KCNQ1: variants seen among roughly 807,000 people sequenced by gnomAD.
The protein encoded by KCNQ1 is potassium voltage-gated channel subfamily Q member 1.
In KCNQ1, 49 loss-of-function variants were observed where a neutral mutation model predicts 72.4. The observed-to-expected ratio is 0.68, with a 90% CI of 0.54 to 0.86. The LOEUF is 0.86. KCNQ1 is among the 40% of genes least tolerant of loss of function. The pLI, the probability that KCNQ1 is intolerant of heterozygous loss-of-function variation, is 0.00. For synonymous variants in KCNQ1, 450 were observed against 412.6 expected (o/e 1.09, Z -1.10); for missense variants, 790 against 945.1 (o/e 0.84, Z 2.15).
At position 2,770,553 on chromosome 11, in the gene KCNQ1, C is replaced by T. The variant is rs150894085; in HGVS notation, c.1590+1634C>T. Among the ~76,000 whole-genome samples, 10 of 152,362 alleles carry T rather than the reference C, an allele frequency of 6.6e-5. No homozygotes were observed. The East Asian group carries it at 1.7e-3, about 26-fold the overall frequency. On this transcript the variant is annotated intron_variant, in intron 12 of 15. Coordinates refer to ENST00000155840, the MANE Select transcript of KCNQ1 (RefSeq NM_000218.3). The stretch of plus-strand genomic sequence containing the variant: ...TCCCACAGTGGTGTTTCTCAGCTGG[C>T]CCTCCCACCTGCATCCCCCCAGGGA...
chr11:2,659,905 A>G lies in KCNQ1; in HGVS notation c.1394-2056A>G. 2.5e-6 allele frequency: 1 copy of G among 398,316 alleles called. No individual in the cohort carries two copies. The highest frequency in any genetic ancestry group is 4.4e-6 in the Non-Finnish European group (1 of 225,974). The allele number at this position is 398,316 out of a possible 1,614,324, so 24.7% of individuals were successfully genotyped here. A position where few individuals can be genotyped will look rare whatever the true frequency, so the allele number is the denominator to read the frequency against. On this transcript the variant is annotated intron_variant, in intron 10 of 15. Coordinates refer to ENST00000155840, the MANE Select transcript of KCNQ1 (RefSeq NM_000218.3). The surrounding 1 kb of genome is among the most constrained non-coding windows in gnomAD (Gnocchi z 4.3). Reference sequence around the variant, plus strand: ...AAATTGGATTGTTCACTTTATTGTCAAGTTGTAAGCATTCTTTATATATTC... The same window carrying G: ...AAATTGGATTGTTCACTTTATTGTCGAGTTGTAAGCATTCTTTATATATTC...
intron 11 of KCNQ1, among the ~76,000 whole-genome samples, chr11:2,729,623 C>A (rs1317009372): frequency 6.6e-6 from 1 of 152,182 alleles, no homozygotes; most frequent in Non-Finnish European, 1.5e-5. Context: ...TGTCGTTATT[C>A]CCTAAACAAT....
At chr11:2,587,090 C>T (rs1255974794) in intron 8 of KCNQ1, among the ~76,000 whole-genome samples, 1 of 152,162 alleles carries the variant, frequency 6.6e-6, no homozygotes, top group Non-Finnish European at 1.5e-5. Flanking sequence ...CTCCTGCCAG[C>T]CCTAGGGATC....
In KCNQ1 at chr11:2,671,325, C is replaced by T. The variant is rs576453276; in HGVS notation, c.1514+9244C>T. 506 of 398,600 alleles carry T rather than the reference C, an allele frequency of 1.3e-3. 3 individuals carry two copies. Among genetic ancestry groups the T allele is most frequent in the Non-Finnish European group, 1.8e-3 (397 of 226,056 alleles). The allele number at this position is 398,600 out of a possible 1,614,324, so 24.7% of individuals were successfully genotyped here. On this transcript the variant is annotated intron_variant, in intron 11 of 15. Transcript: ENST00000155840. This position sits in a 1 kb window ranked among gnomAD's most constrained non-coding sequence, Gnocchi z 4.7. ...ATCTTTTCCCATGTGTGGCTGCAGC[C>T]TCAGAGGCTCCCTCTGAAGATGACA...
chr11:2,590,219 C>A (rs1024164), intron 10 of KCNQ1, among the ~76,000 whole-genome samples: 24,124 of 152,158 alleles, frequency 0.16, 2,271 homozygotes, highest in East Asian at 0.26. Flanking sequence ...CAGGAGAAAA[C>A]ACAGCAAAGC....
In KCNQ1 at chr11:2,468,340, T is replaced by A. The variant is rs557857738; in HGVS notation, c.386+22856T>A. On this transcript the variant is annotated intron_variant, in intron 1 of 15. Transcript: ENST00000155840. This position sits in a 1 kb window ranked among gnomAD's most constrained non-coding sequence, Gnocchi z 5.7. ...TTTTGTATTTTTTGTAGAGATGGGG[T>A]CTTGCTATATTGCCCAGTCTAGTCT... 2.1e-4 allele frequency among the ~76,000 whole-genome samples: 32 copies of A among 152,236 alleles called. No individual in the cohort carries two copies. The highest frequency in any genetic ancestry group is 7.5e-4 in the African/African-American group (31 of 41,530).
chr11:2,741,682 C>T (rs534637023), intron 11 of KCNQ1, among the ~76,000 whole-genome samples: 1 of 152,352 alleles, frequency 6.6e-6, no homozygotes, highest in African/African-American at 2.4e-5. Context: ...GCAATTATCA[C>T]CCCATCGCTG....
Position 2,492,188 on chromosome 11 carries a change from A to C in KCNQ1, c.387-35740A>C, listed in dbSNP as rs1186469040. Among the ~76,000 whole-genome samples the C allele has an allele frequency of 6.6e-6, 1 of 152,236 alleles. No individual in the cohort carries two copies. Among genetic ancestry groups the C allele is most frequent in the Non-Finnish European group, 1.5e-5 (1 of 68,042 alleles). Reference sequence around the variant, plus strand: ...ACAGAAATACAAATAGTATTATAACACTGTAATTATGGTGTGTAAACTACT... The same window carrying C: ...ACAGAAATACAAATAGTATTATAACCCTGTAATTATGGTGTGTAAACTACT... On this transcript the variant is annotated intron_variant, in intron 1 of 15. Coordinates refer to ENST00000155840, the MANE Select transcript of KCNQ1 (RefSeq NM_000218.3). This position sits in a 1 kb window ranked among gnomAD's most constrained non-coding sequence, Gnocchi z 4.1.
rs534659650 is a variant in KCNQ1, at chr11:2,516,192, G to C, written c.387-11736G>C. 3.3e-5 allele frequency among the ~76,000 whole-genome samples: 5 copies of C among 152,160 alleles called. No homozygotes were observed. Among genetic ancestry groups the C allele is most frequent in the Admixed American group, 2.0e-4 (3 of 15,280 alleles). The stretch of plus-strand genomic sequence containing the variant: ...CAGGGAGACCCGGAGTCCAGTTCTC[G>C]CCAACCGCTCGATGCTGTGTGACTT... On this transcript the variant is annotated intron_variant, in intron 1 of 15. Coordinates refer to ENST00000155840, the MANE Select transcript of KCNQ1 (RefSeq NM_000218.3). This position sits in a 1 kb window ranked among gnomAD's most constrained non-coding sequence, Gnocchi z 7.0.
chr11:2,465,194 C>T (rs1846334761), intron 1 of KCNQ1, among the ~76,000 whole-genome samples: 1 of 152,178 alleles, frequency 6.6e-6, no homozygotes, highest in Non-Finnish European at 1.5e-5. Context: ...GGGTCTCACT[C>T]TGTCGCCTAG....
At chr11:2,628,220 C>T in intron 10 of KCNQ1, 1 of 398,608 alleles carries the variant, frequency 2.5e-6, no homozygotes, top group Middle Eastern at 6.3e-4. Flanking sequence ...ATCGTGTTTT[C>T]CATAATGACT....
intron 2 of KCNQ1, among the ~76,000 whole-genome samples, chr11:2,561,604 G>A (rs916352812): frequency 1.3e-5 from 2 of 152,212 alleles, no homozygotes; most frequent in African/African-American, 4.8e-5. Context: ...GCTCGTCTGG[G>A]TCCCCCGCCT....
At chr11:2,794,733 G>A (rs1383135231) in intron 15 of KCNQ1, among the ~76,000 whole-genome samples, 2 of 152,178 alleles carry the variant, frequency 1.3e-5, no homozygotes, top group Admixed American at 6.5e-5. Context: ...GACCCAGCAA[G>A]AGAGCCTGAG....
chr11:2,545,118 A>G (rs1213596173), intron 2 of KCNQ1, among the ~76,000 whole-genome samples: 1 of 152,258 alleles, frequency 6.6e-6, no homozygotes, highest in African/African-American at 2.4e-5. Flanking sequence ...CAGGTTCTGT[A>G]TTCCTGGATA....
intron 11 of KCNQ1, chr11:2,692,931 C>T (rs1449698107): frequency 5.0e-6 from 2 of 398,678 alleles, no homozygotes; most frequent in Non-Finnish European, 4.4e-6. Context: ...ATGTCCCAAG[C>T]AGGTTGTCCT....
chr11:2,819,439 C>T (rs1332596368), intron 15 of KCNQ1, among the ~76,000 whole-genome samples: 1 of 152,224 alleles, frequency 6.6e-6, no homozygotes, highest in Non-Finnish European at 1.5e-5. Flanking sequence ...GAAAACACAC[C>T]TGAAACAGCA....
intron 15 of KCNQ1, among the ~76,000 whole-genome samples, chr11:2,836,372 C>T (rs1458020720): frequency 6.6e-6 from 1 of 152,122 alleles, no homozygotes; most frequent in Non-Finnish European, 1.5e-5. Flanking sequence ...TGTGGGGAGG[C>T]ATGGTGACGT....
chr11:2,796,049 C>T (rs760786316), intron 15 of KCNQ1, among the ~76,000 whole-genome samples: 6 of 152,318 alleles, frequency 3.9e-5, no homozygotes, highest in Non-Finnish European at 7.4e-5. Context: ...TTCTTGAACC[C>T]ACCGTGCTTG....
chr11:2,451,128 G>A lies in KCNQ1; in HGVS notation c.386+5644G>A, dbSNP rs115724109. The stretch of plus-strand genomic sequence containing the variant: ...GCCTGAGCCCTTCTGCAGAAACACC[G>A]TTCCCCGTAGAGCAGCAGTCCCCAA... On this transcript the variant is annotated intron_variant, in intron 1 of 15. Coordinates refer to ENST00000155840, the MANE Select transcript of KCNQ1 (RefSeq NM_000218.3). The surrounding 1 kb of genome is among the most constrained non-coding windows in gnomAD (Gnocchi z 6.4). 4.2e-3 allele frequency among the ~76,000 whole-genome samples: 632 copies of A among 152,264 alleles called. 2 individuals carry two copies. Among genetic ancestry groups the A allele is most frequent in the African/African-American group, 0.014 (574 of 41,538 alleles).
Sources: gnomAD v4.1 joint callset for allele counts (sites outside exome capture counted in the v4.1 genomes callset) on GRCh38, gnomAD v4.1.1 for gene constraint, Gnocchi (gnomAD v3.1) non-coding constraint, MANE v1.5 for transcripts, NCBI Gene and HGNC (gene_info 2026-07-23, HGNC 2026-07-21) for gene names.